The following TENM3 variants were observed in gnomAD, a reference collection of about 807,000 sequenced individuals.
TENM3 encodes teneurin-3.
A neutral mutation model predicts 255.1 loss-of-function variants in TENM3; 63 were observed. The observed-to-expected ratio is 0.25, with a 90% CI of 0.20 to 0.30. The LOEUF is 0.30. Ranked by LOEUF, TENM3 falls within the 10% of genes least tolerant of loss-of-function variation. The probability of loss-of-function intolerance (pLI) is 1.00; values close to 1 mark genes in which losing one functional copy is unlikely to be tolerated. For synonymous variants in TENM3, 1,306 were observed against 1,322.3 expected (o/e 0.99, Z 0.27); for missense variants, 2,929 against 3,461.1 (o/e 0.85, Z 3.86).
At chr4:181,468,032 A>T in the TENM3 span, among the ~76,000 whole-genome samples, 1 of 152,004 alleles carries the variant, frequency 6.6e-6, no homozygotes, top group African/African-American at 2.4e-5. Context: ...GCAGTGGCTC[A>T]TGCCTGTAAT....
At chr4:182,129,492 T>C in the TENM3 span, among the ~76,000 whole-genome samples, 1 of 152,098 alleles carries the variant, frequency 6.6e-6, no homozygotes, top group African/African-American at 2.4e-5. Flanking sequence ...TAACTGAAAT[T>C]ATTAAACATA....
the TENM3 span, among the ~76,000 whole-genome samples, chr4:181,832,412 A>G: frequency 9.9e-5 from 15 of 152,222 alleles, no homozygotes; most frequent in African/African-American, 3.4e-4. Flanking sequence ...AGCTTAAAGC[A>G]TAAGAAAACG....
chr4:182,072,162 T>G, the TENM3 span, among the ~76,000 whole-genome samples: 3 of 152,360 alleles, frequency 2.0e-5, no homozygotes, highest in East Asian at 5.8e-4. Flanking sequence ...CTTAACTGCC[T>G]TGTGGGATAC....
At chr4:181,578,946 A>C in the TENM3 span, among the ~76,000 whole-genome samples, 1 of 152,140 alleles carries the variant, frequency 6.6e-6, no homozygotes, top group Non-Finnish European at 1.5e-5. Context: ...GGCACGATTC[A>C]GCCCCTCACA....
chr4:182,172,529 C>T (rs1752178094), intron 1 of TENM3, among the ~76,000 whole-genome samples: 3 of 152,086 alleles, frequency 2.0e-5, no homozygotes, highest in Admixed American at 1.3e-4. Context: ...ACCAAATGCA[C>T]AAGATACTAT....
chr4:182,424,266 G>A (rs576216793), intron 3 of TENM3, among the ~76,000 whole-genome samples: 6 of 152,120 alleles, frequency 3.9e-5, no homozygotes, highest in African/African-American at 1.4e-4. Flanking sequence ...TTGAAAAAGT[G>A]AAAAAGCAAA....
At chr4:182,158,934 AAT>A (rs1216647289) in intron 1 of TENM3, among the ~76,000 whole-genome samples, 1 of 152,236 alleles carries the variant, frequency 6.6e-6, no homozygotes, top group African/African-American at 2.4e-5. Flanking sequence ...TAAAAAGATC[AAT>A]AAAATTCCCC....
upstream of TENM3, among the ~76,000 whole-genome samples, chr4:182,240,299 G>A (rs1310839378): frequency 6.6e-6 from 1 of 152,118 alleles, no homozygotes; most frequent in Non-Finnish European, 1.5e-5. Context: ...TGAGATCAAC[G>A]GAATGCCAGA....
intron 22 of TENM3, among the ~76,000 whole-genome samples, chr4:182,761,610 A>C (rs542867051): frequency 6.6e-6 from 1 of 152,246 alleles, no homozygotes; most frequent in Non-Finnish European, 1.5e-5. Context: ...ATACACACAC[A>C]CACACTTATA....
the TENM3 span, among the ~76,000 whole-genome samples, chr4:181,562,029 A>G: frequency 2.0e-5 from 3 of 152,130 alleles, no homozygotes; most frequent in African/African-American, 4.8e-5. Context: ...TCACTTTTAT[A>G]TTTTGCTAGG....
chr4:182,255,760 A>G (rs1758351493), intron 1 of TENM3, among the ~76,000 whole-genome samples: 1 of 152,218 alleles, frequency 6.6e-6, no homozygotes, highest in African/African-American at 2.4e-5. Flanking sequence ...TAGAGTGATC[A>G]AGACTAGTTC....
At chr4:182,281,896 C>T (rs551416251) in intron 1 of TENM3, among the ~76,000 whole-genome samples, 8 of 152,064 alleles carry the variant, frequency 5.3e-5, no homozygotes, top group African/African-American at 7.2e-5. Context: ...CCACCATACC[C>T]GGCTAATTTT....
chr4:182,105,071 G>T, the TENM3 span, among the ~76,000 whole-genome samples: 1 of 152,086 alleles, frequency 6.6e-6, no homozygotes, highest in South Asian at 2.1e-4. Context: ...AAATTAGCTG[G>T]GTATAGTGGT....
At chr4:182,668,419 C>G (rs559952102) in intron 6 of TENM3, among the ~76,000 whole-genome samples, 2 of 152,116 alleles carry the variant, frequency 1.3e-5, no homozygotes, top group South Asian at 4.2e-4. Flanking sequence ...ATATGGCTAC[C>G]CTTTTTTAAA....
rs1160806863 is a variant in TENM3, at chr4:182,736,988, C to T, written c.3148C>T (p.Pro1050Ser). The T allele has an allele frequency of 6.2e-7, 1 of 1,613,748 alleles. No homozygotes were observed. Among genetic ancestry groups the T allele is most frequent in the East Asian group, 2.2e-5 (1 of 44,878 alleles). The change falls in exon 17 of 28, where the codon CCT (proline) becomes TCT (serine). Residue 1050 changes from proline (P) to serine (S), a missense_variant. Pro to Ser is a moderately conservative substitution (Grantham distance 74, BLOSUM62 -1). Coordinates refer to ENST00000511685, the MANE Select transcript of TENM3 (RefSeq NM_001080477.4). ...AGGAAGACTCTTCCAAAAGTGGTTT[C>T]CTGCCTCACCAAACTTGGCCTATAC... The part of the protein sequence containing the change: ...VVGRLFQKWF[P>S]ASPNLAYTFI...
the TENM3 span, among the ~76,000 whole-genome samples, chr4:181,803,379 T>A: frequency 3.7e-4 from 57 of 152,366 alleles, no homozygotes; most frequent in African/African-American, 1.4e-3. Context: ...GACAGAGCTG[T>A]TGTATTAGAT....
At chr4:182,730,674 T>C (rs1160251215) in intron 15 of TENM3, among the ~76,000 whole-genome samples, 1 of 152,144 alleles carries the variant, frequency 6.6e-6, no homozygotes, top group Non-Finnish European at 1.5e-5. Flanking sequence ...GAAAAAAAAA[T>C]TGGTGAACTT....
At chr4:182,541,306 C>CTGTG (rs985430880) in intron 3 of TENM3, among the ~76,000 whole-genome samples, 1 of 151,862 alleles carries the variant, frequency 6.6e-6, no homozygotes, top group African/African-American at 2.4e-5. Context: ...GAAAGTGATT[C>CTGTG]TGTGTGTGTG....
chr4:182,226,804 A>G (rs1234971257), intron 1 of TENM3, among the ~76,000 whole-genome samples: 1 of 152,194 alleles, frequency 6.6e-6, no homozygotes, highest in Non-Finnish European at 1.5e-5. Context: ...GCTGAAACAT[A>G]AAGTGACTTG....
Sources: gnomAD v4.1 joint callset for allele counts (sites outside exome capture counted in the v4.1 genomes callset) on GRCh38, gnomAD v4.1.1 for gene constraint, MANE v1.5 for transcripts, NCBI Gene and HGNC (gene_info 2026-07-23, HGNC 2026-07-21) for gene names.